Variants in RORA observed in about 807,000 individuals in gnomAD.
The protein encoded by RORA is nuclear receptor ROR-alpha.
Under a neutral mutation model 69.5 loss-of-function variants are expected in RORA, and 7 were observed. The ratio of observed to expected loss-of-function variants is 0.10; its 90% CI spans 0.06 to 0.19. RORA has a LOEUF of 0.19. RORA is among the 10% of genes least tolerant of loss of function. The probability of loss-of-function intolerance (pLI) is 1.00; values close to 1 mark genes in which losing one functional copy is unlikely to be tolerated. For synonymous variants in RORA, 261 were observed against 240.8 expected, an observed-to-expected ratio of 1.08 and a Z score of -0.78; for missense variants, 457 against 663.0, an observed-to-expected ratio of 0.69 and a Z score of 3.41.
intron 1 of RORA, among the ~76,000 whole-genome samples, chr15:60,753,565 G>T (rs892351460): frequency 2.6e-5 from 4 of 152,218 alleles, no homozygotes; most frequent in African/African-American, 9.6e-5. Flanking sequence ...GCATGCGTAG[G>T]TATCTCTGTC....
chr15:60,782,537 A>AT (rs1190728087), intron 1 of RORA, among the ~76,000 whole-genome samples: 4 of 152,102 alleles, frequency 2.6e-5, no homozygotes, highest in African/African-American at 7.2e-5. Context: ...CCATCTTTTC[A>AT]TTTTTTTAAC....
At chr15:60,689,673 TTAGTCTA>T (rs557047057) in intron 1 of RORA, among the ~76,000 whole-genome samples, 40 of 152,190 alleles carry the variant, frequency 2.6e-4, no homozygotes, top group African/African-American at 9.2e-4. Context: ...GTATTTAGAT[TTAGTCTA>T]AATTTAATTA....
At chr15:60,675,842 A>G (rs190504997) in intron 2 of RORA, among the ~76,000 whole-genome samples, 117 of 152,302 alleles carry the variant, frequency 7.7e-4, no homozygotes, top group African/African-American at 2.6e-3. Context: ...CTCTGGTCTG[A>G]TAATATATTC....
chr15:60,896,029 C>T (rs1891223505), intron 1 of RORA, among the ~76,000 whole-genome samples: 1 of 152,192 alleles, frequency 6.6e-6, no homozygotes, highest in Non-Finnish European at 1.5e-5. Context: ...CTTATTCATT[C>T]TCTTATAATC....
chr15:60,806,304 C>G (rs1254575473), intron 1 of RORA, among the ~76,000 whole-genome samples: 2 of 152,232 alleles, frequency 1.3e-5, no homozygotes, highest in African/African-American at 4.8e-5. Flanking sequence ...AAAGCACCCA[C>G]AATTCTGCAC....
chr15:61,097,928 T>C (rs563361701), intron 1 of RORA, among the ~76,000 whole-genome samples: 1 of 152,338 alleles, frequency 6.6e-6, no homozygotes, highest in Admixed American at 6.5e-5. Context: ...ATCTTCTCAG[T>C]AGTCAGAGTC....
At chr15:61,090,067 T>C (rs1380232174) in intron 1 of RORA, among the ~76,000 whole-genome samples, 1 of 152,200 alleles carries the variant, frequency 6.6e-6, no homozygotes, top group Non-Finnish European at 1.5e-5. Flanking sequence ...CAGAAGACTT[T>C]TCCTTCAGAG....
At chr15:61,204,958 T>A (rs2079927305) in intron 1 of RORA, among the ~76,000 whole-genome samples, 1 of 152,236 alleles carries the variant, frequency 6.6e-6, no homozygotes, top group Non-Finnish European at 1.5e-5. Flanking sequence ...CTGTTCAGGC[T>A]TTTCAATCTA....
chr15:60,545,290 C>T (rs2067034060), intron 2 of RORA: 1 of 152,188 alleles, frequency 6.6e-6, no homozygotes, highest in African/African-American at 2.4e-5. Flanking sequence ...CCAGCCGCAC[C>T]TCAAACACAC....
chr15:60,549,498 C>T (rs1756060124), intron 2 of RORA, among the ~76,000 whole-genome samples: 1 of 152,062 alleles, frequency 6.6e-6, no homozygotes, highest in Admixed American at 6.5e-5. Context: ...AGAAAATATT[C>T]TGCAGTTTCT....
At chr15:60,871,656 T>C (rs1422448482) in intron 1 of RORA, among the ~76,000 whole-genome samples, 1 of 152,214 alleles carries the variant, frequency 6.6e-6, no homozygotes, top group Non-Finnish European at 1.5e-5. Context: ...GACTTTTCCC[T>C]TTTACAGAAC....
chr15:60,527,773 G>A (rs545393560), intron 3 of RORA, among the ~76,000 whole-genome samples: 48 of 152,320 alleles, frequency 3.2e-4, no homozygotes, highest in African/African-American at 1.1e-3. Context: ...TGGTGTGCCT[G>A]TCTACCCTCA....
At position 60,666,354 on chromosome 15, in the gene RORA, T is replaced by C. The variant is rs556973417; in HGVS notation, c.196+12303A>G. 3.8e-4 allele frequency among the ~76,000 whole-genome samples: 57 copies of C among 150,262 alleles called. 2 individuals carry two copies. In the Middle Eastern group the frequency reaches 0.028, roughly 73 times the overall value. ...AGCTACTTAATTTCTTTCTTTTTTT[T>C]TTTTTTTTTTTTGTAGATACCTGGT... On this transcript the variant is annotated intron_variant, in intron 2 of 10. Transcript: ENST00000335670.
intron 1 of RORA, among the ~76,000 whole-genome samples, chr15:60,860,595 G>A (rs2073427826): frequency 6.6e-6 from 1 of 152,206 alleles, no homozygotes. Flanking sequence ...ATGGCCCAAT[G>A]AGATATAGAG....
chr15:60,533,776 C>T (rs2066597673), intron 2 of RORA, among the ~76,000 whole-genome samples: 2 of 152,246 alleles, frequency 1.3e-5, no homozygotes, highest in Admixed American at 1.3e-4. Flanking sequence ...ACCATGAAGT[C>T]CTTGAACCAC....
intron 1 of RORA, among the ~76,000 whole-genome samples, chr15:60,974,691 A>AG (rs1893827196): frequency 6.6e-6 from 1 of 152,220 alleles, no homozygotes; most frequent in Non-Finnish European, 1.5e-5. Flanking sequence ...ATCCCAAACA[A>AG]GGCCCCCCAA....
chr15:60,928,530 A>G (rs1337714930), intron 1 of RORA, among the ~76,000 whole-genome samples: 11 of 152,214 alleles, frequency 7.2e-5, no homozygotes, highest in Non-Finnish European at 1.2e-4. Context: ...GAATAGACTA[A>G]GTAATAATCA....
intron 1 of RORA, among the ~76,000 whole-genome samples, chr15:61,097,928 T>G (rs563361701): frequency 6.6e-6 from 1 of 152,220 alleles, no homozygotes; most frequent in East Asian, 1.9e-4. Flanking sequence ...ATCTTCTCAG[T>G]AGTCAGAGTC....
intron 1 of RORA, among the ~76,000 whole-genome samples, chr15:61,097,304 T>G (rs1401673108): frequency 6.6e-6 from 1 of 152,188 alleles, no homozygotes; most frequent in Non-Finnish European, 1.5e-5. Flanking sequence ...GTAATAGGCT[T>G]TCTGCATGCA....
Sources: allele counts gnomAD v4.1 joint callset (sites outside exome capture counted in the v4.1 genomes callset), GRCh38; gene constraint gnomAD v4.1.1; transcripts MANE v1.5; gene names NCBI Gene and HGNC (gene_info 2026-07-23, HGNC 2026-07-21).